TRAPPC9: variants seen among roughly 807,000 people sequenced by gnomAD.
TRAPPC9 encodes trafficking protein particle complex subunit 9.
A neutral mutation model predicts 124.0 loss-of-function variants in TRAPPC9; 83 were observed. That is an observed-to-expected ratio of 0.67 (90% CI 0.56 to 0.80). The LOEUF (loss-of-function observed/expected upper bound fraction) is 0.80, where lower values mean the gene tolerates loss of function less well. TRAPPC9 is among the 30% of genes least tolerant of loss of function. The pLI, the probability that TRAPPC9 is intolerant of heterozygous loss-of-function variation, is 0.00. For synonymous variants in TRAPPC9, 638 were observed against 617.5 expected, an observed-to-expected ratio of 1.03 and a Z score of -0.49; for missense variants, 1,302 against 1,508.3, an observed-to-expected ratio of 0.86 and a Z score of 2.27.
intron 9 of TRAPPC9, among the ~76,000 whole-genome samples, chr8:140,331,617 A>AATCATCATCACC (rs1554669157): frequency 6.6e-6 from 1 of 150,610 alleles, no homozygotes; most frequent in East Asian, 2.0e-4. Context: ...AACAGCAAAA[A>AATCATCATCACC]ATCATCATCA....
chr8:140,233,650 C>CACACACACACACACACACACACACAT (rs1563868271), intron 16 of TRAPPC9, among the ~76,000 whole-genome samples: 1 of 144,816 alleles, frequency 6.9e-6, no homozygotes, highest in African/African-American at 2.6e-5. Flanking sequence ...CACACACACA[C>CACACACACACACACACACACACACAT]ATAAACACAC....
At chr8:140,188,798 C>G (rs1480070759) in intron 17 of TRAPPC9, among the ~76,000 whole-genome samples, 6 of 152,228 alleles carry the variant, frequency 3.9e-5, no homozygotes, top group Non-Finnish European at 8.8e-5. Context: ...AGGAACCACA[C>G]ACAATTTGAC....
At position 140,287,653 on chromosome 8, in the gene TRAPPC9, T is replaced by C. The variant is rs762063739; in HGVS notation, c.1936A>G (p.Thr646Ala). Residue 646 changes from threonine to alanine, a missense_variant, in exon 13 of 23, where the codon ACG becomes GCG. This residue lies in a region of TRAPPC9 where 640 missense variants were observed against 679.3 expected (regional missense o/e 0.94). Coordinates refer to ENST00000438773, the MANE Select transcript of TRAPPC9 (RefSeq NM_001160372.4). Reference sequence around the variant, plus strand: ...GTCGTCTGCGGGACCCCGACGAGCGTCACTGGGTACAGACCAGATTCAGCC... The same window carrying C: ...GTCGTCTGCGGGACCCCGACGAGCGCCACTGGGTACAGACCAGATTCAGCC... ...LPAESGLYPV[T>A]LVGVPQTTGT... The C allele has an allele frequency of 1.9e-6, 3 of 1,614,112 alleles. No homozygotes were observed. In the Admixed American group the frequency reaches 5.0e-5, roughly 27 times the overall value.
intron 17 of TRAPPC9, among the ~76,000 whole-genome samples, chr8:140,125,794 C>T (rs987792056): frequency 1.3e-5 from 2 of 151,850 alleles, no homozygotes; most frequent in Non-Finnish European, 2.9e-5. Flanking sequence ...GGGTTCATGT[C>T]CAGATCCTTG....
intron 10 of TRAPPC9, among the ~76,000 whole-genome samples, chr8:140,304,733 A>G (rs942377456): frequency 1.3e-5 from 2 of 152,170 alleles, no homozygotes; most frequent in African/African-American, 4.8e-5. Context: ...GCCTGAGAAC[A>G]TAACTCTGGA....
At chr8:140,077,222 G>T (rs6990497) in intron 17 of TRAPPC9, among the ~76,000 whole-genome samples, 21,446 of 152,098 alleles carry the variant, frequency 0.14, 1,696 homozygotes, top group African/African-American at 0.21. Flanking sequence ...ATACATATTT[G>T]TTTGTGTATT....
intron 18 of TRAPPC9, among the ~76,000 whole-genome samples, chr8:140,021,551 A>T (rs1372340472): frequency 6.6e-6 from 1 of 151,968 alleles, no homozygotes; most frequent in Non-Finnish European, 1.5e-5. Flanking sequence ...TAGGTTCATC[A>T]CTCCTTTATA....
intron 3 of TRAPPC9, among the ~76,000 whole-genome samples, chr8:140,435,872 C>G (rs2070795734): frequency 6.6e-6 from 1 of 152,226 alleles, no homozygotes; most frequent in African/African-American, 2.4e-5. Context: ...GTATTCATCT[C>G]TATCATCTTT....
At chr8:140,444,688 C>CCAA (rs2071175426) in intron 2 of TRAPPC9, among the ~76,000 whole-genome samples, 1 of 151,770 alleles carries the variant, frequency 6.6e-6, no homozygotes, top group African/African-American at 2.4e-5. Flanking sequence ...TGGTGAGACC[C>CCAA]CCCCCATCTC....
chr8:139,897,580 G>C (rs1830743124), intron 20 of TRAPPC9, among the ~76,000 whole-genome samples: 1 of 152,196 alleles, frequency 6.6e-6, no homozygotes, highest in African/African-American at 2.4e-5. Flanking sequence ...GAGCACCTGT[G>C]ATGTGTCAGT....
intron 6 of TRAPPC9, among the ~76,000 whole-genome samples, chr8:140,403,971 A>G (rs7846170): frequency 0.33 from 49,635 of 152,006 alleles, 10,533 homozygotes; most frequent in African/African-American, 0.61. Flanking sequence ...CAAAAAAAAC[A>G]TATACTCTTT....
chr8:140,415,956 G>A (rs2069915190), intron 5 of TRAPPC9, among the ~76,000 whole-genome samples: 2 of 152,072 alleles, frequency 1.3e-5, no homozygotes, highest in African/African-American at 4.8e-5. Flanking sequence ...GCAAGACCCT[G>A]TCTCTTAAAC....
At chr8:140,139,261 C>G (rs1387815045) in intron 17 of TRAPPC9, among the ~76,000 whole-genome samples, 8 of 152,150 alleles carry the variant, frequency 5.3e-5, no homozygotes, top group Admixed American at 3.3e-4. Context: ...ACATTCCTAT[C>G]CCTACTTTAC....
At chr8:140,126,347 A>G (rs950901019) in intron 17 of TRAPPC9, among the ~76,000 whole-genome samples, 1 of 152,036 alleles carries the variant, frequency 6.6e-6, no homozygotes, top group Non-Finnish European at 1.5e-5. Flanking sequence ...CGACAGGTCC[A>G]TTTCAGAACC....
At chr8:140,195,198 T>A (rs573072378) in intron 17 of TRAPPC9, among the ~76,000 whole-genome samples, 1 of 149,450 alleles carries the variant, frequency 6.7e-6, no homozygotes. Flanking sequence ...ATCATACCTG[T>A]GAAACTAAAA....
Position 139,728,157 on chromosome 8 carries a change from G to T in TRAPPC9, c.*2904C>A, listed in dbSNP as rs1817646639. ...TAAGTAACTTGTCCAAGGTCAAGGAGTTGACAAGTGGCTGAGCTGGAGTTC... is the reference window on the plus strand; with the variant it reads ...TAAGTAACTTGTCCAAGGTCAAGGATTTGACAAGTGGCTGAGCTGGAGTTC... On this transcript the variant is annotated 3_prime_UTR_variant, in exon 23 of 23. Transcript: ENST00000438773. Among the ~76,000 whole-genome samples the T allele has an allele frequency of 6.6e-6, 1 of 152,216 alleles. No individual in the cohort carries two copies. Among genetic ancestry groups the T allele is most frequent in the Admixed American group, 6.5e-5 (1 of 15,286 alleles).
At chr8:139,930,355 C>A (rs1037559283) in intron 19 of TRAPPC9, among the ~76,000 whole-genome samples, 2 of 152,198 alleles carry the variant, frequency 1.3e-5, no homozygotes, top group Admixed American at 1.3e-4. Context: ...GCAAGGCCAG[C>A]GCGCTCACAC....
chr8:139,886,929 C>A (rs542627532), intron 20 of TRAPPC9, among the ~76,000 whole-genome samples: 1 of 152,318 alleles, frequency 6.6e-6, no homozygotes, highest in South Asian at 2.1e-4. Context: ...TAGAATGGAG[C>A]AGAGGCTGAG....
chr8:139,922,526 T>C (rs1832578177), intron 19 of TRAPPC9, among the ~76,000 whole-genome samples: 1 of 152,182 alleles, frequency 6.6e-6, no homozygotes, highest in South Asian at 2.1e-4. Flanking sequence ...AAACTGAAGC[T>C]CAGGCAATGA....
Sources: gnomAD v4.1 joint callset for allele counts (sites outside exome capture counted in the v4.1 genomes callset) on GRCh38, gnomAD v4.1.1 for gene constraint, gnomAD v4.1.1 regional missense constraint, MANE v1.5 for transcripts, NCBI Gene and HGNC (gene_info 2026-07-23, HGNC 2026-07-21) for gene names.